Variants in FARP2 observed in about 807,000 individuals in gnomAD.
The protein encoded by FARP2 is FERM, ARH/RhoGEF and pleckstrin domain protein 2.
In FARP2, 111 loss-of-function variants were observed where a neutral mutation model predicts 130.5. That is an observed-to-expected ratio of 0.85 (90% CI 0.73 to 1.00). The LOEUF is 1.00. FARP2 is among the 50% of genes least tolerant of loss of function. The pLI, the probability that FARP2 is intolerant of heterozygous loss-of-function variation, is 0.00. For synonymous variants in FARP2, 504 were observed against 516.9 expected, an observed-to-expected ratio of 0.98 and a Z score of 0.34; for missense variants, 1,385 against 1,346.3, an observed-to-expected ratio of 1.03 and a Z score of -0.45.
intron 2 of FARP2, among the ~76,000 whole-genome samples, chr2:241,392,580 G>A (rs1026914876): frequency 3.3e-5 from 5 of 152,156 alleles, no homozygotes; most frequent in African/African-American, 1.2e-4. Flanking sequence ...GGTCTCTTCA[G>A]TCTAGAAAGA....
chr2:241,405,532 T>G (rs2062310293), intron 4 of FARP2: 1 of 152,220 alleles, frequency 6.6e-6, no homozygotes, highest in South Asian at 2.1e-4. Context: ...CTTCATTATA[T>G]CAGAACAAGG....
At position 241,493,531 on chromosome 2, in the gene FARP2, T is replaced by C. The variant is rs756999349; in HGVS notation, c.3047+87T>C. 708 of 1,275,596 alleles carry C rather than the reference T, an allele frequency of 5.6e-4. 2 individuals are homozygous for C. The highest frequency in any genetic ancestry group is 2.5e-3 in the Middle Eastern group (13 of 5,282). The allele number at this position is 1,275,596 out of a possible 1,614,324, so 79.0% of individuals were successfully genotyped here. On this transcript the variant is annotated intron_variant, in intron 26 of 26. Transcript: ENST00000264042. ...TCTACTCATGGTGGTGGAGGCAAGT[T>C]TTCTGGGCCCTGGAAAGGAAGGGCT...
In FARP2 at chr2:241,475,340, G is replaced by A. The variant is rs1045934098; in HGVS notation, c.2132-517G>A. On this transcript the variant is annotated intron_variant, in intron 18 of 26. Transcript: ENST00000264042. This position sits in a 1 kb window ranked among gnomAD's most constrained non-coding sequence, Gnocchi z 4.4. ...CAGTCCTATAAGTCCTATAAGGCAGGGGTCCCCAGTGCCCATGGCTATGGA... is the reference window on the plus strand; with the variant it reads ...CAGTCCTATAAGTCCTATAAGGCAGAGGTCCCCAGTGCCCATGGCTATGGA... 6.6e-6 allele frequency among the ~76,000 whole-genome samples: 1 copy of A among 152,140 alleles called. No individual in the cohort carries two copies. The highest frequency in any genetic ancestry group is 2.4e-5 in the African/African-American group (1 of 41,420).
At chr2:241,405,740 C>G (rs985120667) in intron 4 of FARP2, among the ~76,000 whole-genome samples, 1 of 152,098 alleles carries the variant, frequency 6.6e-6, no homozygotes, top group Non-Finnish European at 1.5e-5. Context: ...TCGAGACCAG[C>G]CTCGCCAACA....
At chr2:241,393,082 G>T (rs9677483) in intron 2 of FARP2, among the ~76,000 whole-genome samples, 1 of 151,600 alleles carries the variant, frequency 6.6e-6, no homozygotes, top group African/African-American at 2.4e-5. Flanking sequence ...TGCAGTGGTG[G>T]CATCTCAGCT....
chr2:241,410,757 G>C (rs2062496557), intron 5 of FARP2, among the ~76,000 whole-genome samples: 1 of 152,086 alleles, frequency 6.6e-6, no homozygotes, highest in African/African-American at 2.4e-5. Context: ...GTTCACATCA[G>C]AGTGCCTTAG....
chr2:241,369,121 T>G (rs1425989127), intron 1 of FARP2, among the ~76,000 whole-genome samples: 3 of 152,100 alleles, frequency 2.0e-5, no homozygotes, highest in African/African-American at 4.8e-5. Context: ...TGTAAGTCGC[T>G]GCTTGGAAAG....
At chr2:241,367,012 A>C (rs1260733836) in intron 1 of FARP2, among the ~76,000 whole-genome samples, 2 of 152,016 alleles carry the variant, frequency 1.3e-5, no homozygotes. Context: ...TTTCTGTGTC[A>C]GTAAGCGCTC....
At chr2:241,365,808 T>A (rs2061290541) in intron 1 of FARP2, among the ~76,000 whole-genome samples, 1 of 152,034 alleles carries the variant, frequency 6.6e-6, no homozygotes, top group South Asian at 2.1e-4. Context: ...TTTTTAGGAC[T>A]TGCTTTTCTA....
At chr2:241,358,000 C>T (rs1034744727) in intron 1 of FARP2, among the ~76,000 whole-genome samples, 12 of 152,072 alleles carry the variant, frequency 7.9e-5, no homozygotes, top group African/African-American at 2.7e-4. Context: ...GACCAGCCTG[C>T]TCAACAGGGC....
At chr2:241,415,989 C>CTGTGTGTGTGTGTGTG (rs57774022) in intron 7 of FARP2, among the ~76,000 whole-genome samples, 4 of 141,714 alleles carry the variant, frequency 2.8e-5, no homozygotes, top group African/African-American at 2.7e-5. Context: ...CAGGGTAGTT[C>CTGTGTGTGTGTGTGTG]TGTGTGTGTG....
chr2:241,397,284 T>C (rs1005104308), intron 2 of FARP2, among the ~76,000 whole-genome samples: 1 of 152,116 alleles, frequency 6.6e-6, no homozygotes. Flanking sequence ...TGTATACATA[T>C]GTAACTAACC....
intron 1 of FARP2, among the ~76,000 whole-genome samples, chr2:241,361,818 AC>A (rs1446576456): frequency 9.2e-5 from 14 of 152,080 alleles, no homozygotes; most frequent in African/African-American, 2.7e-4. Flanking sequence ...AGGAGGAACT[AC>A]TTTTAGAAAT....
intron 17 of FARP2, among the ~76,000 whole-genome samples, chr2:241,467,543 A>G (rs2064203394): frequency 6.6e-6 from 1 of 151,908 alleles, no homozygotes; most frequent in African/African-American, 2.4e-5. Context: ...GCGGGGGGCT[A>G]AGGTGGGAGG....
intron 1 of FARP2, among the ~76,000 whole-genome samples, chr2:241,360,793 G>A (rs1447283566): frequency 6.6e-6 from 1 of 152,084 alleles, no homozygotes; most frequent in East Asian, 1.9e-4. Flanking sequence ...TAACACACCT[G>A]TGTAATATTT....
chr2:241,493,931 C>A, intron 26 of FARP2, 77 bp from the exon 27 acceptor site: 1 of 926,862 alleles, frequency 1.1e-6, no homozygotes, highest in Non-Finnish European at 1.5e-6. Context: ...CCTGCTTGTC[C>A]CATATCCTGG....
chr2:241,445,301 C>A (rs2063487413), intron 13 of FARP2: 1 of 151,886 alleles, frequency 6.6e-6, no homozygotes, highest in Admixed American at 6.6e-5. Context: ...TGCTCACAGC[C>A]CTCTTACCCC....
At chr2:241,410,043 G>A (rs188455836) in intron 5 of FARP2, among the ~76,000 whole-genome samples, 1 of 152,104 alleles carries the variant, frequency 6.6e-6, no homozygotes, top group African/African-American at 2.4e-5. Context: ...AGGGACAGGG[G>A]GTTGGTCTTG....
intron 2 of FARP2, among the ~76,000 whole-genome samples, chr2:241,394,482 C>T (rs1312930628): frequency 6.7e-6 from 1 of 149,256 alleles, no homozygotes; most frequent in Non-Finnish European, 1.5e-5. Flanking sequence ...CGCGCCACTG[C>T]ACTCCAGCCT....
Sources: allele counts gnomAD v4.1 joint callset (sites outside exome capture counted in the v4.1 genomes callset), GRCh38; gene constraint gnomAD v4.1.1; non-coding constraint Gnocchi (gnomAD v3.1); transcripts MANE v1.5; gene names NCBI Gene and HGNC (gene_info 2026-07-23, HGNC 2026-07-21).